The following ZNF772 variants were observed in gnomAD, a reference collection of about 807,000 sequenced individuals.
ZNF772 encodes the protein zinc finger protein 772.
ZNF772 carries 8 observed loss-of-function variants against 11.0 expected under a neutral mutation model. That is an observed-to-expected ratio of 0.73 (90% CI 0.43 to 1.31). The LOEUF (loss-of-function observed/expected upper bound fraction) is 1.31. ZNF772 is among the 50% of genes most tolerant of loss of function. ZNF772 has a pLI of 0.01. For missense variants in ZNF772, 496 were observed against 552.3 expected, an observed-to-expected ratio of 0.90 and a Z score of 1.02; for synonymous variants, 155 against 180.4, an observed-to-expected ratio of 0.86 and a Z score of 1.13.
Position 57,475,471 on chromosome 19 carries a change from G to T in ZNF772, c.199+189C>A. On this transcript the variant is annotated intron_variant, in intron 3 of 3. Coordinates refer to ENST00000356584, the MANE Select transcript of ZNF772 (RefSeq NM_001144068.2). This position sits in a 1 kb window ranked among gnomAD's most constrained non-coding sequence, Gnocchi z 4.2. ...CCTGCAAGGCTCTGAGACAGCAAGC[G>T]CTGGGAATGCTCAAAAGGAGAAAGT... The T allele has an allele frequency of 2.1e-6, 2 of 944,316 alleles. No individual in the cohort carries two copies. Among genetic ancestry groups the T allele is most frequent in the Non-Finnish European group, 3.3e-6 (2 of 597,108 alleles). The allele number at this position is 944,316 out of a possible 1,614,324, so 58.5% of individuals were successfully genotyped here. A position where few individuals can be genotyped will look rare whatever the true frequency, so the allele number is the denominator to read the frequency against.
rs1031425843 is a variant in ZNF772, at chr19:57,475,539, C to A, written c.199+121G>T. 4.7e-6 allele frequency: 7 copies of A among 1,502,316 alleles called. No individual in the cohort carries two copies. The highest frequency in any genetic ancestry group is 6.5e-6 in the Non-Finnish European group (7 of 1,081,614). The allele number at this position is 1,502,316 out of a possible 1,614,324, so 93.1% of individuals were successfully genotyped here. On this transcript the variant is annotated intron_variant, in intron 3 of 3. Coordinates refer to ENST00000356584, the MANE Select transcript of ZNF772 (RefSeq NM_001144068.2). This position sits in a 1 kb window ranked among gnomAD's most constrained non-coding sequence, Gnocchi z 4.2. ...AAGCCCAGCACTCACAGAACCTACT[C>A]CAGGCACTAAGAAATGAGACAGTGT... is the stretch of plus-strand genomic sequence containing the variant.
In ZNF772 at chr19:57,473,448, C is replaced by T. The variant is rs543649591; in HGVS notation, c.1173G>A (p.Lys391=). 5.6e-6 allele frequency: 9 copies of T among 1,614,156 alleles called. No individual in the cohort carries two copies. Among genetic ancestry groups the T allele is most frequent in the South Asian group, 1.1e-5 (1 of 91,080 alleles). Residue 391 remains lysine (K), a synonymous_variant, in exon 4 of 4, where the codon AAG becomes AAA. Coordinates refer to ENST00000356584, the MANE Select transcript of ZNF772 (RefSeq NM_001144068.2). The part of the protein sequence containing the change: ...IAHQRVHNGE[K]PYVCSECGKA... The stretch of plus-strand genomic sequence containing the variant: ...TTCCACATTCACTGCACACATAAGG[C>T]TTTTCACCATTATGAACTCTTTGAT...
Position 57,474,279 on chromosome 19 carries a change from G to A in ZNF772, c.342C>T (p.Asp114=), listed in dbSNP as rs751944461. ...PCGTCGLVLK[D]ILHLAEHQET... ...CCTGGTGCTCAGCCAAGTGCAAAATGTCTTTTAAGACCAGGCCACATGTCC... is the reference window on the plus strand; with the variant it reads ...CCTGGTGCTCAGCCAAGTGCAAAATATCTTTTAAGACCAGGCCACATGTCC... Residue 114 remains aspartate, a synonymous_variant, in exon 4 of 4, where the codon GAC becomes GAT. Coordinates refer to ENST00000356584, the MANE Select transcript of ZNF772 (RefSeq NM_001144068.2). The A allele has an allele frequency of 6.2e-7, 1 of 1,614,206 alleles. No homozygotes were observed. The highest frequency in any genetic ancestry group is 1.1e-5 in the South Asian group (1 of 91,088).
intron 3 of ZNF772, among the ~76,000 whole-genome samples, 196 bp from the exon 4 acceptor site, chr19:57,474,617 A>C (rs998399165): frequency 2.6e-5 from 4 of 152,236 alleles, no homozygotes; most frequent in Admixed American, 6.5e-5. Flanking sequence ...AGAAGGCCTC[A>C]ACTGGGAGAG....
At position 57,470,335 on chromosome 19, in the gene ZNF772, C is replaced by T; in HGVS notation, c.*2939G>A. The T allele has an allele frequency of 6.6e-6, 1 of 152,106 alleles. No homozygotes were observed. The allele number at this position is 152,106 out of a possible 1,614,324, so 9.4% of individuals were successfully genotyped here. On this transcript the variant is annotated 3_prime_UTR_variant, in exon 4 of 4. Coordinates refer to ENST00000356584, the MANE Select transcript of ZNF772 (RefSeq NM_001144068.2). Reference sequence around the variant, plus strand: ...CCGAGATCGCGCCACTGCACTCCAACCTGGATGACAGAGCAAGACACTGTC... The same window carrying T: ...CCGAGATCGCGCCACTGCACTCCAATCTGGATGACAGAGCAAGACACTGTC...
In ZNF772 at chr19:57,473,859, C is replaced by T. The variant is rs888709451; in HGVS notation, c.762G>A (p.Glu254=). ...TAAAGGTTTTCCCACATTCACCGCA[C>T]TCATAAGGCCTTTCTCCAGTGTGGA... ...QRVHTGERPY[E]CGECGKTFSR... Residue 254 remains glutamate, a synonymous_variant, in exon 4 of 4, where the codon GAG becomes GAA. Coordinates refer to ENST00000356584, the MANE Select transcript of ZNF772 (RefSeq NM_001144068.2). 1 of 1,614,106 alleles carries T rather than the reference C, an allele frequency of 6.2e-7. No individual in the cohort carries two copies. The highest frequency in any genetic ancestry group is 1.1e-5 in the South Asian group (1 of 91,074).
At position 57,477,527 on chromosome 19, in the gene ZNF772, G is replaced by A. The variant is rs1374531364; in HGVS notation, c.-218C>T. 5 of 520,772 alleles carry A rather than the reference G, an allele frequency of 9.6e-6. No homozygotes were observed. Among genetic ancestry groups the A allele is most frequent in the African/African-American group, 3.9e-5 (2 of 50,650 alleles). 32.3% of individuals were successfully genotyped at this position (520,772 alleles called of 1,614,324 possible). The stretch of plus-strand genomic sequence containing the variant: ...ACTAAACCAGTGGATTAATGGAAAA[G>A]CAAACAAAATGTCCACCCGAGGATG... On this transcript the variant is annotated 5_prime_UTR_variant, in exon 1 of 4. Coordinates refer to ENST00000356584, the MANE Select transcript of ZNF772 (RefSeq NM_001144068.2).
chr19:57,473,948 A>G lies in ZNF772; in HGVS notation c.673T>C (p.Tyr225His). 6.2e-7 allele frequency: 1 copy of G among 1,614,158 alleles called. No individual in the cohort carries two copies. Among genetic ancestry groups the G allele is most frequent in the Non-Finnish European group, 8.5e-7 (1 of 1,180,040 alleles). The stretch of plus-strand genomic sequence containing the variant: ...GTTTTCCCACATTCACTGCATTTGT[A>G]ATGCCTTTTTCCACAGTGAGAGGCC... ...EEASHCGKRH[Y>H]KCSECGKTFS... Residue 225 changes from tyrosine to histidine, a missense_variant, in exon 4 of 4, where the codon TAC becomes CAC. Coordinates refer to ENST00000356584, the MANE Select transcript of ZNF772 (RefSeq NM_001144068.2).
intron 3 of ZNF772, among the ~76,000 whole-genome samples, 161 bp from the exon 4 acceptor site, chr19:57,474,582 T>C (rs900091941): frequency 2.3e-5 from 2 of 86,778 alleles, no homozygotes; most frequent in African/African-American, 8.6e-5. Context: ...TATACGGTAG[T>C]TGGCATCTAA....
At position 57,471,096 on chromosome 19, in the gene ZNF772, G is replaced by T. The variant is rs10418795; in HGVS notation, c.*2178C>A. The T allele has an allele frequency of 1.3e-5, 2 of 152,110 alleles. No homozygotes were observed. The highest frequency in any genetic ancestry group is 2.9e-5 in the Non-Finnish European group (2 of 68,028). 9.4% of individuals were successfully genotyped at this position (152,110 alleles called of 1,614,324 possible). A position where few individuals can be genotyped will look rare whatever the true frequency, so the allele number is the denominator to read the frequency against. On this transcript the variant is annotated 3_prime_UTR_variant, in exon 4 of 4. Transcript: ENST00000356584. ...AACTCCAGGCCCAGACAGCTTCCTT[G>T]GTGAATTCTACCAAACATTTAAGGA...
rs559482564 is a variant in ZNF772, at chr19:57,469,651, A to T, written c.*3623T>A. On this transcript the variant is annotated 3_prime_UTR_variant, in exon 4 of 4. Coordinates refer to ENST00000356584, the MANE Select transcript of ZNF772 (RefSeq NM_001144068.2). The stretch of plus-strand genomic sequence containing the variant: ...AACATACTAAAATATGTGAAGCAAA[A>T]TCTGACAGAACTGCAGAGAAGTAAA... 1 of 152,338 alleles carries T rather than the reference A, an allele frequency of 6.6e-6. No individual in the cohort carries two copies. The highest frequency in any genetic ancestry group is 2.1e-4 in the South Asian group (1 of 4,828). The allele number at this position is 152,338 out of a possible 1,614,324, so 9.4% of individuals were successfully genotyped here. A position where few individuals can be genotyped will look rare whatever the true frequency, so the allele number is the denominator to read the frequency against.
Position 57,473,970 on chromosome 19 carries a change from G to A in ZNF772, c.651C>T (p.Ala217=), listed in dbSNP as rs2089250549. The change falls in exon 4 of 4, where the codon GCC becomes GCT. Residue 217 remains alanine, a synonymous_variant. Transcript: ENST00000356584. ...KPHSNTKCEE[A]SHCGKRHYKC... is the part of the protein sequence containing the mutation. The stretch of plus-strand genomic sequence containing the variant: ...TGTAATGCCTTTTTCCACAGTGAGA[G>A]GCCTCCTCACACTTGGTGTTGCTGT... The A allele has an allele frequency of 1.2e-6, 2 of 1,614,230 alleles. No individual in the cohort carries two copies. The highest frequency in any genetic ancestry group is 8.5e-7 in the Non-Finnish European group (1 of 1,180,048).
In ZNF772 at chr19:57,473,313, G is replaced by A. The variant is rs1283907692; in HGVS notation, c.1308C>T (p.Leu436=). 11 of 1,612,984 alleles carry A rather than the reference G, an allele frequency of 6.8e-6. No homozygotes were observed. The highest frequency in any genetic ancestry group is 9.3e-6 in the Non-Finnish European group (11 of 1,179,380). ...CAGTGTGAATTTTCCAGTGGCGGAT[G>A]AGGGAAGCCCTCTGCCTGAAGGCCT... is the stretch of plus-strand genomic sequence containing the variant. ...CGKAFRQRAS[L]IRHWKIHTGE... The change falls in exon 4 of 4, where the codon CTC becomes CTT. Residue 436 remains leucine, a synonymous_variant. Coordinates refer to ENST00000356584, the MANE Select transcript of ZNF772 (RefSeq NM_001144068.2).
intron 3 of ZNF772, chr19:57,474,897 C>G: frequency 7.4e-7 from 1 of 1,359,572 alleles, no homozygotes; most frequent in African/African-American, 1.4e-5. Context: ...TATGGAACAT[C>G]CAGAGGCCAA....
In ZNF772 at chr19:57,477,482, T is replaced by C. The variant is rs1046487621; in HGVS notation, c.-173A>G. The C allele has an allele frequency of 2.3e-5, 14 of 612,230 alleles. No individual in the cohort carries two copies. In the East Asian group the frequency reaches 4.4e-4, roughly 19 times the overall value. The allele number at this position is 612,230 out of a possible 1,614,324, so 37.9% of individuals were successfully genotyped here. ...GTTTTCCCTTTTCTGTCACCTCAGG[T>C]CTGACATTGCGTTCTGGAAACTAAA... On this transcript the variant is annotated 5_prime_UTR_variant, in exon 1 of 4. Transcript: ENST00000356584.
chr19:57,476,612 A>G, intron 2 of ZNF772, 22 bp downstream of exon 2: 1 of 1,613,398 alleles, frequency 6.2e-7, no homozygotes, highest in Non-Finnish European at 8.5e-7. Context: ...GATCGGTGAG[A>G]GCATGGACAT....
At chr19:57,476,777 A>C (rs2089289409) in intron 1 of ZNF772, 105 bp from the exon 2 acceptor site, 1 of 993,046 alleles carries the variant, frequency 1.0e-6, no homozygotes, top group Non-Finnish European at 1.5e-6. Context: ...CTGGGAGCTG[A>C]ATGTCTACCC....
intron 3 of ZNF772, among the ~76,000 whole-genome samples, chr19:57,474,660 G>A (rs2089261852): frequency 6.6e-6 from 1 of 152,232 alleles, no homozygotes; most frequent in Non-Finnish European, 1.5e-5. Context: ...CAAAAAAGAG[G>A]CAGGTCTCAA....
chr19:57,477,147 C>A, intron 1 of ZNF772, 130 bp downstream of exon 1: 1 of 1,265,458 alleles, frequency 7.9e-7, no homozygotes, highest in Non-Finnish European at 1.1e-6. Flanking sequence ...CAAAATGGGT[C>A]CCAAACACGA....
Sources: allele counts gnomAD v4.1 joint callset (sites outside exome capture counted in the v4.1 genomes callset), GRCh38; gene constraint gnomAD v4.1.1; non-coding constraint Gnocchi (gnomAD v3.1); transcripts MANE v1.5; gene names NCBI Gene and HGNC (gene_info 2026-07-23, HGNC 2026-07-21).